Variants in ANKFN1 observed in about 807,000 individuals in gnomAD.
ANKFN1 encodes the protein ankyrin repeat and fibronectin type-III domain-containing protein 1.
Under a neutral mutation model 108.7 loss-of-function variants are expected in ANKFN1, and 74 were observed. The observed-to-expected ratio is 0.68, with a 90% CI of 0.56 to 0.83. The LOEUF is 0.83. Ranked by LOEUF, ANKFN1 falls within the 40% of genes least tolerant of loss-of-function variation. The probability of loss-of-function intolerance (pLI) is 0.00; values close to 1 mark genes in which losing one functional copy is unlikely to be tolerated. For synonymous variants in ANKFN1, 547 were observed against 516.2 expected, an observed-to-expected ratio of 1.06 and a Z score of -0.81; for missense variants, 1,505 against 1,382.3, an observed-to-expected ratio of 1.09 and a Z score of -1.41.
intron 1 of ANKFN1, among the ~76,000 whole-genome samples, chr17:56,159,033 CAAAAAAAA>C (rs57878541): frequency 1.4e-5 from 1 of 71,014 alleles, no homozygotes; most frequent in East Asian, 5.1e-4. Flanking sequence ...TGGTCTAGGC[CAAAAAAAA>C]AAAAAAAAAA....
intron 4 of ANKFN1, among the ~76,000 whole-genome samples, chr17:56,053,138 T>C (rs891765530): frequency 2.0e-5 from 3 of 151,854 alleles, no homozygotes; most frequent in African/African-American, 7.3e-5. Context: ...TTTGAGCATA[T>C]ATTATTTTAC....
intron 19 of ANKFN1, among the ~76,000 whole-genome samples, chr17:56,496,514 G>T (rs2051205667): frequency 6.6e-6 from 1 of 152,072 alleles, no homozygotes; most frequent in Non-Finnish European, 1.5e-5. Flanking sequence ...TCTAGTCTCT[G>T]CCTCTTCAGT....
chr17:56,446,315 C>T (rs1172453993), intron 10 of ANKFN1, among the ~76,000 whole-genome samples: 2 of 152,134 alleles, frequency 1.3e-5, no homozygotes, highest in East Asian at 1.9e-4. Context: ...AAACACACAA[C>T]CTTGCTTATC....
In ANKFN1 at chr17:56,269,628, A is replaced by C. The variant is rs542470099; in HGVS notation, c.53+41671A>C. On this transcript the variant is annotated intron_variant, in intron 3 of 20. Transcript: ENST00000682825. Reference sequence around the variant, plus strand: ...AGAAAAAAAGTCTGTGAACTTCTTAAGATGCTTAAGTCAAAATAGTTTTGG... The same window carrying C: ...AGAAAAAAAGTCTGTGAACTTCTTACGATGCTTAAGTCAAAATAGTTTTGG... 5.4e-4 allele frequency among the ~76,000 whole-genome samples: 83 copies of C among 152,356 alleles called. 1 individual carries two copies. In the South Asian group the frequency reaches 0.016, roughly 29 times the overall value.
At chr17:56,319,711 G>C in intron 3 of ANKFN1, among the ~76,000 whole-genome samples, 1 of 152,158 alleles carries the variant, frequency 6.6e-6, no homozygotes, top group East Asian at 1.9e-4. Context: ...CTTTTAAAGA[G>C]AGTTAGGTGA....
chr17:56,471,455 C>G (rs528737365), intron 15 of ANKFN1: 1 of 152,336 alleles, frequency 6.6e-6, no homozygotes, highest in East Asian at 1.9e-4. Flanking sequence ...TTTTCCAGCA[C>G]ATTCCTACTC....
intron 15 of ANKFN1, among the ~76,000 whole-genome samples, chr17:56,468,450 G>C (rs1009957632): frequency 2.6e-5 from 4 of 151,494 alleles, no homozygotes; most frequent in Admixed American, 2.6e-4. Context: ...CCAGTGATAG[G>C]GATGAATTGT....
intron 2 of ANKFN1, among the ~76,000 whole-genome samples, 149 bp downstream of exon 2, chr17:56,212,828 GA>G (rs1476817159): frequency 6.6e-6 from 1 of 152,296 alleles, no homozygotes; most frequent in African/African-American, 2.4e-5. Flanking sequence ...ACCTTGCATG[GA>G]ATTTAGCTGG....
upstream of ANKFN1, among the ~76,000 whole-genome samples, chr17:56,150,456 G>A (rs914903866): frequency 3.3e-5 from 5 of 152,066 alleles, no homozygotes; most frequent in African/African-American, 4.8e-5. Flanking sequence ...CTGACACAAA[G>A]CCCACTGCCC....
intron 14 of ANKFN1, among the ~76,000 whole-genome samples, chr17:56,462,603 A>G (rs2049943257): frequency 6.6e-6 from 1 of 152,222 alleles, no homozygotes; most frequent in Non-Finnish European, 1.5e-5. Flanking sequence ...TCACAAAAAA[A>G]TAAAATAAAA....
chr17:56,205,750 A>G (rs1914481184), intron 1 of ANKFN1, among the ~76,000 whole-genome samples: 2 of 152,188 alleles, frequency 1.3e-5, no homozygotes, highest in South Asian at 4.1e-4. Context: ...ATAGAGTGTT[A>G]AAATTTCTTT....
intron 1 of ANKFN1, among the ~76,000 whole-genome samples, chr17:56,190,469 T>C (rs1415025230): frequency 7.2e-6 from 1 of 139,716 alleles, no homozygotes; most frequent in Non-Finnish European, 1.5e-5. Context: ...TTTCGTTATG[T>C]ACCCAGTAGT....
chr17:56,084,136 C>A (rs945937297), intron 4 of ANKFN1, among the ~76,000 whole-genome samples: 9 of 150,904 alleles, frequency 6.0e-5, no homozygotes, highest in Non-Finnish European at 1.0e-4. Flanking sequence ...TGACTTCTAT[C>A]GAAATTTCTC....
intron 8 of ANKFN1, among the ~76,000 whole-genome samples, chr17:56,387,489 A>T (rs2047309478): frequency 6.6e-6 from 1 of 152,192 alleles, no homozygotes; most frequent in South Asian, 2.1e-4. Flanking sequence ...GTCTAATTTT[A>T]TTATGCACAT....
At chr17:56,059,124 A>G (rs111807562) in intron 4 of ANKFN1, among the ~76,000 whole-genome samples, 13 of 152,216 alleles carry the variant, frequency 8.5e-5, no homozygotes, top group African/African-American at 2.9e-4. Context: ...AATAATCTCC[A>G]TTCTGACTGG....
At chr17:56,235,846 T>C (rs1272983686) in intron 3 of ANKFN1, among the ~76,000 whole-genome samples, 1 of 152,162 alleles carries the variant, frequency 6.6e-6, no homozygotes, top group Non-Finnish European at 1.5e-5. Flanking sequence ...GACTCTTTTT[T>C]GGTTCCATAT....
intron 4 of ANKFN1, among the ~76,000 whole-genome samples, chr17:56,089,517 G>C (rs941985941): frequency 6.6e-6 from 1 of 151,416 alleles, no homozygotes; most frequent in Admixed American, 6.6e-5. Flanking sequence ...ATGAATTAAA[G>C]AGATTATTTT....
At chr17:56,389,826 T>A (rs1361367854) in intron 8 of ANKFN1, among the ~76,000 whole-genome samples, 1 of 152,136 alleles carries the variant, frequency 6.6e-6, no homozygotes, top group African/African-American at 2.4e-5. Flanking sequence ...AGAAACTGTG[T>A]CTTTTTCATT....
At chr17:56,200,111 T>C (rs1913916431) in intron 1 of ANKFN1, among the ~76,000 whole-genome samples, 1 of 152,220 alleles carries the variant, frequency 6.6e-6, no homozygotes, top group Non-Finnish European at 1.5e-5. Context: ...TCTTGAGTAT[T>C]ACTGGAACAC....
Sources: allele counts gnomAD v4.1 joint callset (sites outside exome capture counted in the v4.1 genomes callset), GRCh38; gene constraint gnomAD v4.1.1; transcripts MANE v1.5; gene names NCBI Gene and HGNC (gene_info 2026-07-23, HGNC 2026-07-21).